The following ZMYND11 variants were observed in gnomAD, a reference collection of about 807,000 sequenced individuals.
ZMYND11 encodes zinc finger MYND-type containing 11, also known as zinc finger MYND domain-containing protein 11.
Under a neutral mutation model 84.9 loss-of-function variants are expected in ZMYND11, and 9 were observed. The observed-to-expected ratio is 0.11, with a 90% CI of 0.06 to 0.18. The LOEUF (loss-of-function observed/expected upper bound fraction) is 0.18. Ranked by LOEUF, ZMYND11 falls within the 10% of genes least tolerant of loss-of-function variation. The pLI is 1.00. For synonymous variants in ZMYND11, 250 were observed against 244.1 expected (o/e 1.02, Z -0.23); for missense variants, 409 against 761.0 (o/e 0.54, Z 5.44).
chr10:197,102 G>A (rs1286548249), intron 2 of ZMYND11, among the ~76,000 whole-genome samples: 4 of 151,010 alleles, frequency 2.6e-5, no homozygotes, highest in East Asian at 2.0e-4. Flanking sequence ...GGAAGGTGGC[G>A]TGCTTTTAGT....
chr10:245,611 C>T (rs1951967286), intron 10 of ZMYND11, among the ~76,000 whole-genome samples: 1 of 152,152 alleles, frequency 6.6e-6, no homozygotes, highest in South Asian at 2.1e-4. Flanking sequence ...AGTTTCCTAC[C>T]TCATTTGTGA....
intron 2 of ZMYND11, among the ~76,000 whole-genome samples, chr10:193,026 A>G (rs530529998): frequency 5.4e-4 from 82 of 152,276 alleles, no homozygotes; most frequent in African/African-American, 1.5e-3. Flanking sequence ...CTTGAACAGA[A>G]ATTTTAAGTT....
At chr10:221,467 G>T (rs1458516264) in intron 4 of ZMYND11, 111 bp downstream of exon 4, 2 of 1,052,946 alleles carry the variant, frequency 1.9e-6, no homozygotes, top group Non-Finnish European at 1.4e-6. Context: ...AAGGACTGGA[G>T]GGTGGGGGTT....
chr10:248,320 T>C lies in ZMYND11; in HGVS notation c.1228-16T>C. 1 of 1,609,474 alleles carries C rather than the reference T, an allele frequency of 6.2e-7. No individual in the cohort carries two copies. The highest frequency in any genetic ancestry group is 8.5e-7 in the Non-Finnish European group (1 of 1,177,142). ...GTGGCTTCGTTTGGCGTCTAAACTC[T>C]TGTCTCACCTTTTAGGAACCAGAGC... On this transcript the variant is annotated splice_polypyrimidine_tract_variant and intron_variant, in intron 12 of 14. Coordinates refer to ENST00000381604, the MANE Select transcript of ZMYND11 (RefSeq NM_001370100.5).
chr10:182,525 A>T (rs934446562), intron 2 of ZMYND11, among the ~76,000 whole-genome samples: 15 of 152,140 alleles, frequency 9.9e-5, no homozygotes, highest in Non-Finnish European at 1.9e-4. Flanking sequence ...AAAAGAAAGA[A>T]TCAGAGGTTA....
intron 4 of ZMYND11, among the ~76,000 whole-genome samples, chr10:234,036 C>T (rs1408817364): frequency 6.6e-6 from 1 of 152,134 alleles, no homozygotes; most frequent in Non-Finnish European, 1.5e-5. Flanking sequence ...CAAGTGTTAC[C>T]TAAACTTCCG....
At chr10:194,350 C>T (rs1176157895) in intron 2 of ZMYND11, among the ~76,000 whole-genome samples, 1 of 152,146 alleles carries the variant, frequency 6.6e-6, no homozygotes, top group Non-Finnish European at 1.5e-5. Context: ...GCCACCACGC[C>T]TGGCTAGTGT....
rs183794775 is a variant in ZMYND11 at position 194,406 on chromosome 10, G to C, written c.116+14278G>C. Among the ~76,000 whole-genome samples, 459 of 152,302 alleles carry C rather than the reference G, an allele frequency of 3.0e-3. No homozygotes were observed. In the Middle Eastern group the frequency reaches 0.031, roughly 10 times the overall value. Reference sequence around the variant, plus strand: ...TGGCAAAACTACAATATCCTTTCATGTACAGGTGTAGGCATACGTTTTGAG... The same window carrying C: ...TGGCAAAACTACAATATCCTTTCATCTACAGGTGTAGGCATACGTTTTGAG... On this transcript the variant is annotated intron_variant, in intron 2 of 14. Transcript: ENST00000381604.
intron 1 of ZMYND11, among the ~76,000 whole-genome samples, chr10:149,241 A>C (rs1017944002): frequency 1.3e-5 from 2 of 151,614 alleles, no homozygotes; most frequent in Non-Finnish European, 2.9e-5. Flanking sequence ...CCATCCCTGC[A>C]CTGTGGCCTG....
upstream of ZMYND11, among the ~76,000 whole-genome samples, chr10:131,002 A>G (rs112629959): frequency 5.1e-3 from 782 of 152,276 alleles, 3 homozygotes; most frequent in African/African-American, 0.018. Flanking sequence ...CTGTGGTCCC[A>G]GCTGCTCGGG....
At chr10:225,325 G>A (rs1947916848) in intron 4 of ZMYND11, among the ~76,000 whole-genome samples, 2 of 149,666 alleles carry the variant, frequency 1.3e-5, no homozygotes, top group Admixed American at 6.7e-5. Flanking sequence ...TTGATAAGAT[G>A]AATTTTTTGT....
chr10:164,983 CAAT>C (rs1398433081), intron 1 of ZMYND11, among the ~76,000 whole-genome samples: 1 of 152,046 alleles, frequency 6.6e-6, no homozygotes, highest in Non-Finnish European at 1.5e-5. Context: ...ATTAAAATGA[CAAT>C]AAAATTTAAA....
chr10:226,829 A>G (rs186021792), intron 4 of ZMYND11, among the ~76,000 whole-genome samples: 2 of 152,182 alleles, frequency 1.3e-5, no homozygotes, highest in Non-Finnish European at 1.5e-5. Flanking sequence ...TCATTAACAA[A>G]CTTTGGTGTA....
chr10:232,869 C>G (rs1949241330), intron 4 of ZMYND11, among the ~76,000 whole-genome samples: 1 of 152,134 alleles, frequency 6.6e-6, no homozygotes, highest in African/African-American at 2.4e-5. Context: ...AGAAGTATTC[C>G]TCTTTGTGCA....
intron 13 of ZMYND11, 27 bp from the exon 14 acceptor site, chr10:248,876 G>C (rs375987431): frequency 6.3e-7 from 1 of 1,585,242 alleles, no homozygotes; most frequent in South Asian, 1.1e-5. Flanking sequence ...GTGTGCTGAC[G>C]CACTGTGGGT....
intron 2 of ZMYND11, among the ~76,000 whole-genome samples, chr10:188,259 T>C (rs1939302882): frequency 6.6e-6 from 1 of 152,086 alleles, no homozygotes. Flanking sequence ...ACAAAATCAG[T>C]GACAAGTGAA....
intron 1 of ZMYND11, among the ~76,000 whole-genome samples, chr10:139,605 C>T (rs1333332481): frequency 6.6e-6 from 1 of 151,514 alleles, no homozygotes; most frequent in Non-Finnish European, 1.5e-5. Context: ...AAATGAGGAC[C>T]ATAATAATAA....
chr10:150,681 C>T (rs1267025246), intron 1 of ZMYND11, among the ~76,000 whole-genome samples: 2 of 152,140 alleles, frequency 1.3e-5, no homozygotes, highest in Non-Finnish European at 2.9e-5. Context: ...GAACAAAAGG[C>T]AACAGAAACG....
intron 1 of ZMYND11, among the ~76,000 whole-genome samples, chr10:158,412 CTTTTTT>C (rs372896551): frequency 2.1e-5 from 3 of 142,484 alleles, no homozygotes; most frequent in African/African-American, 7.8e-5. Flanking sequence ...TTGTCTTTTC[CTTTTTT>C]TTTTTTTTTT....
Sources: gnomAD v4.1 joint callset for allele counts (sites outside exome capture counted in the v4.1 genomes callset) on GRCh38, gnomAD v4.1.1 for gene constraint, MANE v1.5 for transcripts, NCBI Gene and HGNC (gene_info 2026-07-23, HGNC 2026-07-21) for gene names.